LAMP5: variants seen among roughly 807,000 people sequenced by gnomAD.
LAMP5 encodes the protein lysosome associated membrane protein 5, also known as lysosome-associated membrane glycoprotein 5.
In LAMP5, 36 loss-of-function variants were observed where a neutral mutation model predicts 30.2. The ratio of observed to expected loss-of-function variants is 1.19; its 90% CI spans 0.91 to 1.57. The LOEUF (loss-of-function observed/expected upper bound fraction) is 1.57, where lower values mean the gene tolerates loss of function less well. LAMP5 is among the 40% of genes most tolerant of loss of function. LAMP5 has a pLI of 0.00. For synonymous variants in LAMP5, 149 were observed against 134.6 expected, an observed-to-expected ratio of 1.11 and a Z score of -0.74; for missense variants, 377 against 354.9, an observed-to-expected ratio of 1.06 and a Z score of -0.50.
At position 9,516,100 on chromosome 20, in the gene LAMP5, G is replaced by A; in HGVS notation, c.338G>A (p.Arg113His). 1.3e-6 allele frequency: 2 copies of A among 1,548,270 alleles called. No individual in the cohort carries two copies. The highest frequency in any genetic ancestry group is 2.1e-5 in the Admixed American group (1 of 47,446). ...QSELQVFWVD[R>H]AYALKMLFVK... ...GAGCTGCAAGTGTTCTGGGTGGATCGCGCATATGCACTCAAAATGCTCTTT... is the reference window on the plus strand; with the variant it reads ...GAGCTGCAAGTGTTCTGGGTGGATCACGCATATGCACTCAAAATGCTCTTT... The change falls in exon 3 of 6, where the codon CGC becomes CAC. Residue 113 changes from arginine (R) to histidine (H), a missense_variant. Physicochemically the swap from Arg to His is conservative, Grantham distance 29 (BLOSUM62 0). Coordinates refer to ENST00000246070, the MANE Select transcript of LAMP5 (RefSeq NM_012261.4).
intron 2 of LAMP5, 45 bp from the exon 3 acceptor site, chr20:9,515,955 C>A: frequency 6.9e-7 from 1 of 1,457,558 alleles, no homozygotes; most frequent in Non-Finnish European, 9.1e-7. Flanking sequence ...GCCCCCGCCC[C>A]GGGGCCGGGC....
At chr20:9,522,972 CTTTTTTT>C (rs60017722) in intron 5 of LAMP5, among the ~76,000 whole-genome samples, 97 of 104,170 alleles carry the variant, frequency 9.3e-4, no homozygotes, top group African/African-American at 3.9e-3. Flanking sequence ...ATACTTAAAT[CTTTTTTT>C]TTTTTTTTTT....
intron 5 of LAMP5, among the ~76,000 whole-genome samples, chr20:9,520,447 C>T (rs963856030): frequency 1.3e-5 from 2 of 152,174 alleles, no homozygotes; most frequent in African/African-American, 4.8e-5. Context: ...GGATCTATCA[C>T]TGGGCCTTTA....
At chr20:9,523,790 G>A (rs993554489) in intron 5 of LAMP5, among the ~76,000 whole-genome samples, 1 of 152,088 alleles carries the variant, frequency 6.6e-6, no homozygotes, top group East Asian at 1.9e-4. Context: ...ATGTAGTCCG[G>A]GCTAAGCCAA....
chr20:9,518,445 C>T (rs903376444), intron 5 of LAMP5, among the ~76,000 whole-genome samples: 1 of 152,202 alleles, frequency 6.6e-6, no homozygotes, highest in Non-Finnish European at 1.5e-5. Flanking sequence ...CAGCCTCCTC[C>T]CCGTTTACCT....
At chr20:9,525,455 T>C (rs1458821300) in intron 5 of LAMP5, among the ~76,000 whole-genome samples, 1 of 152,166 alleles carries the variant, frequency 6.6e-6, no homozygotes, top group Non-Finnish European at 1.5e-5. Flanking sequence ...GCTTAGTAGA[T>C]TAAGAGATTC....
rs1757115342 is a variant in LAMP5, at chr20:9,515,458, A to G, written c.70A>G (p.Met24Val). 1.2e-6 allele frequency: 2 copies of G among 1,613,548 alleles called. No homozygotes were observed. The highest frequency in any genetic ancestry group is 1.7e-6 in the Non-Finnish European group (2 of 1,179,688). The part of the protein sequence containing the change: ...LRVLLMLFHT[M>V]AQIMAEQEVE... ...TTGTTTTGTTTGTTCCGCAGATACA[A>G]TGGCTCAAATCATGGCAGAACAAGA... The change falls in exon 2 of 6, where the codon ATG (methionine) becomes GTG (valine). Residue 24 changes from methionine to valine, a missense_variant. Transcript: ENST00000246070.
At chr20:9,523,741 T>C (rs1355537462) in intron 5 of LAMP5, among the ~76,000 whole-genome samples, 1 of 150,632 alleles carries the variant, frequency 6.6e-6, no homozygotes, top group Non-Finnish European at 1.5e-5. Flanking sequence ...CCTGTGGAGG[T>C]GGATAGGGAG....
At chr20:9,517,896 A>G in intron 4 of LAMP5, 144 bp from the exon 5 acceptor site, 1 of 621,562 alleles carries the variant, frequency 1.6e-6, no homozygotes, top group Non-Finnish European at 2.8e-6. Flanking sequence ...ACTTGATGCC[A>G]TTTGTAGAGC....
At chr20:9,516,847 A>T in intron 4 of LAMP5, among the ~76,000 whole-genome samples, 1 of 152,242 alleles carries the variant, frequency 6.6e-6, no homozygotes, top group African/African-American at 2.4e-5. Flanking sequence ...ATATTCAGTC[A>T]TCGACTGCAG....
intron 5 of LAMP5, among the ~76,000 whole-genome samples, chr20:9,528,588 G>A (rs571704688): frequency 6.2e-4 from 95 of 152,074 alleles, no homozygotes; most frequent in Non-Finnish European, 8.2e-4. Context: ...AAAATATCAC[G>A]TGTCCCATAA....
At chr20:9,518,411 C>T (rs531485866) in intron 5 of LAMP5, among the ~76,000 whole-genome samples, 183 bp downstream of exon 5, 1 of 152,302 alleles carries the variant, frequency 6.6e-6, no homozygotes, top group South Asian at 2.1e-4. Flanking sequence ...GAACTTATCT[C>T]AGTAGTTCTT....
At chr20:9,520,867 C>T (rs1013009581) in intron 5 of LAMP5, among the ~76,000 whole-genome samples, 1 of 152,078 alleles carries the variant, frequency 6.6e-6, no homozygotes, top group African/African-American at 2.4e-5. Flanking sequence ...CTACACTGAC[C>T]CCCAAACAAA....
intron 4 of LAMP5, among the ~76,000 whole-genome samples, chr20:9,517,456 G>A (rs575949879): frequency 6.7e-6 from 1 of 149,108 alleles, no homozygotes; most frequent in Admixed American, 6.6e-5. Flanking sequence ...TTTCTTTTTT[G>A]AAGTGCGGTC....
At chr20:9,524,654 A>G (rs1445913484) in intron 5 of LAMP5, among the ~76,000 whole-genome samples, 1 of 151,624 alleles carries the variant, frequency 6.6e-6, no homozygotes, top group African/African-American at 2.4e-5. Flanking sequence ...GGTTTTCAGA[A>G]TTCAGAATAT....
chr20:9,522,130 G>A (rs1227580387), intron 5 of LAMP5, among the ~76,000 whole-genome samples: 1 of 152,166 alleles, frequency 6.6e-6, no homozygotes, highest in Admixed American at 6.5e-5. Flanking sequence ...GGCCACAGCT[G>A]CTCCTGCTGA....
chr20:9,517,318 AG>A (rs1234483781), intron 4 of LAMP5, among the ~76,000 whole-genome samples: 2 of 152,248 alleles, frequency 1.3e-5, no homozygotes, highest in East Asian at 3.8e-4. Flanking sequence ...AAGCATCCAG[AG>A]GACCAGCAAT....
rs972798801 is a variant in LAMP5, at chr20:9,526,180, T to C, written c.665-3462T>C. Among the ~76,000 whole-genome samples the C allele has an allele frequency of 3.3e-5, 5 of 152,266 alleles. No homozygotes were observed. In the East Asian group the frequency reaches 7.7e-4, roughly 23 times the overall value. On this transcript the variant is annotated intron_variant, in intron 5 of 5. Transcript: ENST00000246070. ...GAGGGCTTTGCTACTTTTTGTGAGA[T>C]AATTTATTTTTTATTTTTACTGTTT... is the stretch of plus-strand genomic sequence containing the variant.
At chr20:9,518,010 T>TCTGCCAGCAGGAGAGGC (rs143992809) in intron 4 of LAMP5, 30 bp from the exon 5 acceptor site, 1 of 1,590,320 alleles carries the variant, frequency 6.3e-7, no homozygotes, top group Non-Finnish European at 8.6e-7. Context: ...CAATGAGGGT[T>TCTGCCAGCAGGAGAGGC]CTAACTATTG....
Sources: gnomAD v4.1 joint callset for allele counts (sites outside exome capture counted in the v4.1 genomes callset) on GRCh38, gnomAD v4.1.1 for gene constraint, MANE v1.5 for transcripts, NCBI Gene and HGNC (gene_info 2026-07-23, HGNC 2026-07-21) for gene names.